Variants in HEATR1 observed in about 807,000 individuals in gnomAD.
The protein encoded by HEATR1 is HEAT repeat containing 1.
HEATR1 carries 77 observed loss-of-function variants against 248.2 expected under a neutral mutation model. The observed-to-expected ratio is 0.31, with a 90% CI of 0.26 to 0.37. The LOEUF is 0.37. Ranked by LOEUF, HEATR1 falls within the 10% of genes least tolerant of loss-of-function variation. HEATR1 has a pLI of 1.00. For synonymous variants in HEATR1, 897 were observed against 923.1 expected, an observed-to-expected ratio of 0.97 and a Z score of 0.51; for missense variants, 2,420 against 2,504.9, an observed-to-expected ratio of 0.97 and a Z score of 0.72.
At position 236,604,036 on chromosome 1, in the gene HEATR1, G is replaced by A. The variant is rs141851117; in HGVS notation, c.60C>T (p.Leu20=). The A allele has an allele frequency of 3.4e-5, 54 of 1,593,434 alleles. 1 individual carries two copies. The highest frequency in any genetic ancestry group is 4.4e-5 in the Non-Finnish European group (52 of 1,172,502). The change falls in exon 2 of 45, where the codon CTC becomes CTT. Residue 20 remains leucine (L), a synonymous_variant. Coordinates refer to ENST00000366582, the MANE Select transcript of HEATR1 (RefSeq NM_018072.6). ...AAGAAGCAACTTCATCTCTAGATAA[G>A]AGGCTGGCATCACTTTGAGGGAGGG... ...RLALPQSDAS[L]LSRDEVASLL...
chr1:236,574,431 C>T, intron 23 of HEATR1, 98 bp from the exon 24 acceptor site: 1 of 1,409,700 alleles, frequency 7.1e-7, no homozygotes, highest in Non-Finnish European at 9.7e-7. Context: ...AAAATTGTTT[C>T]CCACTTAATT....
chr1:236,601,980 A>G (rs1217254336), intron 3 of HEATR1, among the ~76,000 whole-genome samples: 2 of 143,048 alleles, frequency 1.4e-5, no homozygotes, highest in East Asian at 4.1e-4. Flanking sequence ...AAAAAAAAAA[A>G]TACAAAAAAT....
intron 33 of HEATR1, among the ~76,000 whole-genome samples, chr1:236,560,214 A>G (rs944085892): frequency 6.6e-6 from 1 of 151,612 alleles, no homozygotes; most frequent in East Asian, 1.9e-4. Flanking sequence ...GTGTGCGCGC[A>G]CACACACACA....
At chr1:236,584,894 G>C (rs933711939) in intron 17 of HEATR1, 131 bp downstream of exon 17, 11 of 724,550 alleles carry the variant, frequency 1.5e-5, no homozygotes, top group Non-Finnish European at 1.3e-5. Flanking sequence ...ACCCAAGACT[G>C]CTTCACATTT....
intron 13 of HEATR1, 57 bp from the exon 14 acceptor site, chr1:236,587,547 C>G: frequency 1.4e-6 from 1 of 712,150 alleles, no homozygotes; most frequent in South Asian, 3.2e-5. Flanking sequence ...ATGTATGGCG[C>G]TTTTTAAATG....
chr1:236,565,636 T>C (rs565829598), intron 31 of HEATR1, among the ~76,000 whole-genome samples: 1 of 152,368 alleles, frequency 6.6e-6, no homozygotes, highest in East Asian at 1.9e-4. Flanking sequence ...AATGAGGTCC[T>C]GATCATTTAC....
intron 29 of HEATR1, 148 bp from the exon 30 acceptor site, chr1:236,567,024 T>C: frequency 9.9e-6 from 6 of 607,394 alleles, no homozygotes; most frequent in Non-Finnish European, 1.7e-5. Context: ...TCTTTCTCCA[T>C]GGCCCAGGCT....
At chr1:236,591,246 A>T (rs934152228) in intron 11 of HEATR1, among the ~76,000 whole-genome samples, 6 of 152,184 alleles carry the variant, frequency 3.9e-5, no homozygotes, top group African/African-American at 1.4e-4. Context: ...TGCGTATCTG[A>T]TAAATCACCT....
At position 236,586,370 on chromosome 1, in the gene HEATR1, C is replaced by T. The variant is rs574745592; in HGVS notation, c.1798G>A (p.Val600Ile). ...ACCATAAATGGCAGCAAACATACAA[C>T]CACCTGATTTGACAACTGATCATTT... is the stretch of plus-strand genomic sequence containing the variant. ...SENDQLSNQV[V>I]VCLLPFMVIN... Residue 600 changes from valine (V) to isoleucine (I), a missense_variant, in exon 15 of 45, where the codon GTT becomes ATT. Coordinates refer to ENST00000366582, the MANE Select transcript of HEATR1 (RefSeq NM_018072.6). 39 of 1,613,062 alleles carry T rather than the reference C, an allele frequency of 2.4e-5. No individual in the cohort carries two copies. The South Asian group carries it at 4.2e-4, about 17-fold the overall frequency.
Position 236,583,210 on chromosome 1 carries a change from G to A in HEATR1, c.2242-14C>T. 6.3e-7 allele frequency: 1 copy of A among 1,575,278 alleles called. No homozygotes were observed. The highest frequency in any genetic ancestry group is 1.4e-5 in the African/African-American group (1 of 72,866). On this transcript the variant is annotated splice_polypyrimidine_tract_variant and intron_variant, in intron 17 of 44. Transcript: ENST00000366582. ...TGAGGGGATTTCCTGAAATGTTAAAGGAAACAAAAACTAGTACAAACTAAG... is the reference window on the plus strand; with the variant it reads ...TGAGGGGATTTCCTGAAATGTTAAAAGAAACAAAAACTAGTACAAACTAAG...
chr1:236,565,252 T>C (rs1387714882), intron 31 of HEATR1, among the ~76,000 whole-genome samples: 1 of 152,212 alleles, frequency 6.6e-6, no homozygotes, highest in Non-Finnish European at 1.5e-5. Context: ...ACCTTCCTTC[T>C]AACGTGCCTT....
At chr1:236,584,514 A>T (rs1335967560) in intron 17 of HEATR1, among the ~76,000 whole-genome samples, 3 of 151,414 alleles carry the variant, frequency 2.0e-5, no homozygotes, top group East Asian at 1.9e-4. Context: ...AGCAGATATT[A>T]AAAAAAAAGT....
In HEATR1 at chr1:236,559,753, C is replaced by G. The variant is rs762559378; in HGVS notation, c.4731G>C (p.Trp1577Cys). Residue 1577 changes from tryptophan to cysteine, a missense_variant, in exon 34 of 45, where the codon TGG becomes TGC. Coordinates refer to ENST00000366582, the MANE Select transcript of HEATR1 (RefSeq NM_018072.6). Reference sequence around the variant, plus strand: ...CGTAAGCTTTACTAAGGAGCGCGCGCCAGAACTTCACGGTGAGTTTGTCTG... The same window carrying G: ...CGTAAGCTTTACTAAGGAGCGCGCGGCAGAACTTCACGGTGAGTTTGTCTG... ...RNADKLTVKF[W>C]RALLSKAYDL... The G allele has an allele frequency of 1.1e-5, 17 of 1,614,090 alleles. No homozygotes were observed. Among genetic ancestry groups the G allele is most frequent in the Non-Finnish European group, 1.3e-5 (15 of 1,179,970 alleles).
Position 236,603,132 on chromosome 1 carries a change from T to C in HEATR1, c.359+28A>G, listed in dbSNP as rs758753716. ...TTACAAGACCAAAGTGATTAACCCA[T>C]AGTTATTTCTGTAATTCTATTAGCT... On this transcript the variant is annotated intron_variant, in intron 3 of 44. Transcript: ENST00000366582. The C allele has an allele frequency of 4.5e-6, 7 of 1,540,136 alleles. No individual in the cohort carries two copies. The Admixed American group carries it at 6.7e-5, about 15-fold the overall frequency.
intron 30 of HEATR1, 50 bp downstream of exon 30, chr1:236,566,595 AT>A: frequency 1.5e-6 from 2 of 1,317,242 alleles, no homozygotes; most frequent in Non-Finnish European, 1.1e-6. Context: ...ATATCATAAA[AT>A]CTGTGTGAGA....
intron 17 of HEATR1, 114 bp from the exon 18 acceptor site, chr1:236,583,310 G>T: frequency 1.2e-6 from 1 of 858,888 alleles, no homozygotes; most frequent in South Asian, 2.1e-5. Flanking sequence ...TTTTGGTGGG[G>T]AAAGGATTAA....
chr1:236,556,646 C>T (rs540813137), intron 37 of HEATR1, among the ~76,000 whole-genome samples: 5 of 152,296 alleles, frequency 3.3e-5, no homozygotes, highest in South Asian at 4.1e-4. Context: ...GTAAGTGAAG[C>T]GGTTTAATCA....
chr1:236,576,954 A>G lies in HEATR1; in HGVS notation c.2756-5T>C. ...TAATGAGTAAAGATGTCACCACTAA[A>G]ATCAAAGGAAAAAAAAATTTAAGAA... On this transcript the variant is annotated splice_region_variant and splice_polypyrimidine_tract_variant and intron_variant, in intron 20 of 44. Transcript: ENST00000366582. 1 of 1,557,312 alleles carries G rather than the reference A, an allele frequency of 6.4e-7. No individual in the cohort carries two copies. Among genetic ancestry groups the G allele is most frequent in the Non-Finnish European group, 8.7e-7 (1 of 1,155,696 alleles).
rs367618061 is a variant in HEATR1, at chr1:236,552,074, G to A, written c.6271C>T (p.Leu2091=). 1.9e-4 allele frequency: 301 copies of A among 1,613,144 alleles called. 1 individual carries two copies. The highest frequency in any genetic ancestry group is 8.2e-5 in the Non-Finnish European group (97 of 1,179,632). The change falls in exon 44 of 45, where the codon CTG becomes TTG. Residue 2091 remains leucine (L), a synonymous_variant. Transcript: ENST00000366582. ...TAATTCTCCTTTAGTTTTTCAGCCA[G>A]TGCTAACACAGTAATCAAAGCAGCA... ...RFAALITVLA[L]AEKLKENYIV...
Sources: gnomAD v4.1 joint callset for allele counts (sites outside exome capture counted in the v4.1 genomes callset) on GRCh38, gnomAD v4.1.1 for gene constraint, MANE v1.5 for transcripts, NCBI Gene and HGNC (gene_info 2026-07-23, HGNC 2026-07-21) for gene names.